Variants in TG observed in about 807,000 individuals in gnomAD.
The protein encoded by TG is thyroid hormones.
In TG, 270 loss-of-function variants were observed where a neutral mutation model predicts 324.7. The ratio of observed to expected loss-of-function variants is 0.83; its 90% CI spans 0.75 to 0.92. The LOEUF is 0.92. TG is among the 40% of genes least tolerant of loss of function. The pLI is 0.00. For synonymous variants in TG, 1,401 were observed against 1,327.0 expected, an observed-to-expected ratio of 1.06 and a Z score of -1.21; for missense variants, 3,591 against 3,456.4, an observed-to-expected ratio of 1.04 and a Z score of -0.98.
At chr8:133,079,625 C>T (rs1351012706) in intron 41 of TG, among the ~76,000 whole-genome samples, 3 of 152,164 alleles carry the variant, frequency 2.0e-5, no homozygotes, top group Non-Finnish European at 2.9e-5. Flanking sequence ...CATGCTGGGT[C>T]AGAGTCACAG....
In TG at chr8:132,972,683, C is replaced by T. The variant is rs756585904; in HGVS notation, c.6141C>T (p.Asp2047=). The change falls in exon 34 of 48, where the codon GAC becomes GAT. Residue 2047 remains aspartate, a synonymous_variant. Transcript: ENST00000220616. The stretch of plus-strand genomic sequence containing the variant: ...ATGGAGGAGCCTGGCGCATTTTGGA[C>T]TGTGGCTCTCCTGACATTGAAGTCC... The part of the protein sequence containing the change: ...EENGGAWRIL[D]CGSPDIEVHT... 1 of 1,612,972 alleles carries T rather than the reference C, an allele frequency of 6.2e-7. No homozygotes were observed. Among genetic ancestry groups the T allele is most frequent in the Non-Finnish European group, 8.5e-7 (1 of 1,179,748 alleles).
intron 35 of TG, among the ~76,000 whole-genome samples, chr8:132,984,272 T>C (rs1223943533): frequency 1.3e-5 from 2 of 152,202 alleles, no homozygotes; most frequent in Admixed American, 6.5e-5. Flanking sequence ...TAGGAGGAAA[T>C]TATTTAAAAC....
At chr8:133,082,173 A>G (rs1182801484) in intron 41 of TG, among the ~76,000 whole-genome samples, 1 of 152,168 alleles carries the variant, frequency 6.6e-6, no homozygotes, top group East Asian at 1.9e-4. Context: ...GGCCGCATGA[A>G]GGGAATTTTT....
intron 29 of TG, among the ~76,000 whole-genome samples, chr8:132,966,220 C>T (rs1380879166): frequency 6.6e-6 from 1 of 152,196 alleles, no homozygotes; most frequent in Non-Finnish European, 1.5e-5. Flanking sequence ...AGGCATTAGA[C>T]AGAAGTCTCC....
chr8:132,921,972 C>T (rs1364185335), intron 21 of TG, among the ~76,000 whole-genome samples: 2 of 152,182 alleles, frequency 1.3e-5, no homozygotes, highest in Non-Finnish European at 2.9e-5. Context: ...ACCTACTTCC[C>T]AGACCTGGAG....
intron 45 of TG, among the ~76,000 whole-genome samples, chr8:133,128,053 A>T (rs142568591): frequency 6.6e-6 from 1 of 152,162 alleles, no homozygotes; most frequent in African/African-American, 2.4e-5. Flanking sequence ...TTCTTATGGT[A>T]GTTGGTAAGT....
chr8:132,991,646 C>T (rs2130770019), intron 35 of TG, among the ~76,000 whole-genome samples: 1 of 152,306 alleles, frequency 6.6e-6, no homozygotes, highest in African/African-American at 2.4e-5. Context: ...GCCAGCAAGA[C>T]ATGCCGGTTA....
chr8:133,067,826 G>A (rs1027209562), intron 41 of TG, among the ~76,000 whole-genome samples: 7 of 148,874 alleles, frequency 4.7e-5, no homozygotes, highest in African/African-American at 1.5e-4. Context: ...GGAAGGAAGG[G>A]GGAGAGAGAG....
intron 14 of TG, among the ~76,000 whole-genome samples, chr8:132,899,355 A>C (rs781566567): frequency 6.6e-6 from 1 of 152,214 alleles, no homozygotes; most frequent in Non-Finnish European, 1.5e-5. Context: ...AATTCAGCGA[A>C]GTACTGATGT....
rs747997348 is a variant in TG, at chr8:133,011,872, A to G, written c.6263-29A>G. The G allele has an allele frequency of 5.0e-6, 8 of 1,614,018 alleles. 1 individual carries two copies. The South Asian group carries it at 8.8e-5, about 18-fold the overall frequency. On this transcript the variant is annotated intron_variant, in intron 35 of 47. Coordinates refer to ENST00000220616, the MANE Select transcript of TG (RefSeq NM_003235.5). ...TTGTTACTCACCAGGTGACAACTGC[A>G]TGTGACTGTCCGTTGCCTTCTCTCC...
intron 41 of TG, among the ~76,000 whole-genome samples, chr8:133,089,345 T>C (rs982538133): frequency 6.6e-6 from 1 of 152,186 alleles, no homozygotes; most frequent in Non-Finnish European, 1.5e-5. Context: ...TCAGGAGGTA[T>C]TGATGCTCCA....
intron 36 of TG, 115 bp from the exon 37 acceptor site, chr8:133,013,485 G>A: frequency 1.6e-6 from 2 of 1,273,898 alleles, no homozygotes; most frequent in Non-Finnish European, 2.3e-6. Flanking sequence ...TTGGATAGAA[G>A]GATGGATGGA....
intron 35 of TG, among the ~76,000 whole-genome samples, chr8:133,011,290 G>A (rs1027728128): frequency 1.3e-5 from 2 of 152,166 alleles, no homozygotes; most frequent in Non-Finnish European, 1.5e-5. Flanking sequence ...TGTCCATGGG[G>A]AAGGGGAGGC....
At chr8:132,975,976 T>C (rs917379736) in intron 34 of TG, among the ~76,000 whole-genome samples, 3 of 152,260 alleles carry the variant, frequency 2.0e-5, no homozygotes, top group African/African-American at 7.2e-5. Flanking sequence ...TGTTTTCAGT[T>C]ATATACTGTA....
At chr8:133,035,421 T>G (rs930956019) in intron 41 of TG, among the ~76,000 whole-genome samples, 16 of 152,226 alleles carry the variant, frequency 1.1e-4, no homozygotes, top group Non-Finnish European at 1.8e-4. Flanking sequence ...GTACTTTCTC[T>G]GTGACCTAAT....
At chr8:133,074,170 A>G (rs920377040) in intron 41 of TG, among the ~76,000 whole-genome samples, 1 of 152,166 alleles carries the variant, frequency 6.6e-6, no homozygotes, top group Non-Finnish European at 1.5e-5. Flanking sequence ...CAGAATTTAT[A>G]TACTTCACAT....
chr8:133,089,600 A>G (rs1164231140), intron 41 of TG, among the ~76,000 whole-genome samples: 1 of 151,870 alleles, frequency 6.6e-6, no homozygotes, highest in Admixed American at 6.6e-5. Flanking sequence ...TTCTCACTAC[A>G]CTTCTATGGA....
chr8:132,939,688 G>GTTTGT (rs1554674702), intron 25 of TG, among the ~76,000 whole-genome samples: 2 of 148,636 alleles, frequency 1.3e-5, no homozygotes, highest in Non-Finnish European at 3.0e-5. Context: ...TTGTTTGTTT[G>GTTTGT]TTTTTTAAGA....
intron 41 of TG, chr8:133,040,203 C>T (rs1312599751): frequency 6.7e-7 from 1 of 1,501,660 alleles, no homozygotes; most frequent in Non-Finnish European, 9.0e-7. Flanking sequence ...AGGCCTGAGA[C>T]ACTCTCCAGT....
Sources: gnomAD v4.1 joint callset for allele counts (sites outside exome capture counted in the v4.1 genomes callset) on GRCh38, gnomAD v4.1.1 for gene constraint, MANE v1.5 for transcripts, NCBI Gene and HGNC (gene_info 2026-07-23, HGNC 2026-07-21) for gene names.